DNM3: variants seen among roughly 807,000 people sequenced by gnomAD.
The protein encoded by DNM3 is dynamin 3, also known as dynamin-3.
In DNM3, 47 loss-of-function variants were observed where a neutral mutation model predicts 101.6. The ratio of observed to expected loss-of-function variants is 0.46; its 90% CI spans 0.37 to 0.59. The LOEUF is 0.59. DNM3 is among the 20% of genes least tolerant of loss of function. DNM3 has a pLI of 0.00. For missense variants in DNM3, 849 were observed against 1,085.7 expected (o/e 0.78, Z 3.06); for synonymous variants, 385 against 387.9 (o/e 0.99, Z 0.09).
At chr1:172,198,959 T>C (rs968323744) in intron 14 of DNM3, among the ~76,000 whole-genome samples, 1 of 152,090 alleles carries the variant, frequency 6.6e-6, no homozygotes, top group Non-Finnish European at 1.5e-5. Flanking sequence ...GCTTTGGGAT[T>C]GATTTGTTCT....
chr1:172,350,881 T>C (rs1321974761), intron 17 of DNM3, among the ~76,000 whole-genome samples: 2 of 152,158 alleles, frequency 1.3e-5, no homozygotes. Context: ...ACAGGCTAAA[T>C]AGAATTATCC....
At chr1:171,891,302 TAAG>T (rs1050516258) in intron 1 of DNM3, among the ~76,000 whole-genome samples, 60 of 151,734 alleles carry the variant, frequency 4.0e-4, no homozygotes, top group African/African-American at 1.4e-3. Flanking sequence ...ACGTTTTCTT[TAAG>T]AAGAGTTTTA....
At chr1:172,243,696 C>T (rs981190902) in intron 14 of DNM3, among the ~76,000 whole-genome samples, 4 of 152,062 alleles carry the variant, frequency 2.6e-5, no homozygotes, top group African/African-American at 9.7e-5. Flanking sequence ...ATACAGTGCT[C>T]AAGAGAAAAA....
At chr1:172,252,687 A>G (rs1378028269) in intron 14 of DNM3, among the ~76,000 whole-genome samples, 1 of 152,012 alleles carries the variant, frequency 6.6e-6, no homozygotes, top group East Asian at 1.9e-4. Context: ...TAAATTGAGT[A>G]TTTGGCTCTC....
At chr1:171,855,675 C>G (rs1011374483) in intron 1 of DNM3, among the ~76,000 whole-genome samples, 3 of 152,066 alleles carry the variant, frequency 2.0e-5, no homozygotes, top group African/African-American at 7.2e-5. Context: ...TCCCTGTTGG[C>G]CATCTGTATG....
At chr1:171,886,213 A>G (rs1268680803) in intron 1 of DNM3, among the ~76,000 whole-genome samples, 1 of 152,190 alleles carries the variant, frequency 6.6e-6, no homozygotes, top group African/African-American at 2.4e-5. Flanking sequence ...CTTTTAGGAA[A>G]CCTGTCAAAT....
intron 11 of DNM3, among the ~76,000 whole-genome samples, chr1:172,070,728 G>A (rs74644347): frequency 4.0e-5 from 6 of 151,698 alleles, no homozygotes; most frequent in East Asian, 3.9e-4. Context: ...TTCAATTTTC[G>A]CATCTTAAAG....
intron 14 of DNM3, 138 bp downstream of exon 14, chr1:172,131,426 A>G: frequency 1.5e-6 from 1 of 683,190 alleles, no homozygotes. Context: ...TTGTTTAAAA[A>G]GGCACTATTA....
chr1:171,993,656 A>G (rs1387184871), intron 4 of DNM3, among the ~76,000 whole-genome samples: 1 of 151,870 alleles, frequency 6.6e-6, no homozygotes, highest in Non-Finnish European at 1.5e-5. Flanking sequence ...TATTTCTTCA[A>G]CTATTCTTTC....
Position 171,860,249 on chromosome 1 carries a change from G to A in DNM3, c.161+18432G>A, listed in dbSNP as rs190111466. Among the ~76,000 whole-genome samples the A allele has an allele frequency of 4.9e-3, 748 of 152,096 alleles. 10 individuals are homozygous for A. The highest frequency in any genetic ancestry group is 0.017 in the African/African-American group (715 of 41,518). The stretch of plus-strand genomic sequence containing the variant: ...TTAAATCTACTTTTAAAAATATAAC[G>A]AATTCAGTTAAGTATGTTTTGGTAC... On this transcript the variant is annotated intron_variant, in intron 1 of 20. Transcript: ENST00000627582.
chr1:172,340,174 T>A (rs1174902321), intron 17 of DNM3, among the ~76,000 whole-genome samples: 1 of 151,612 alleles, frequency 6.6e-6, no homozygotes, highest in Non-Finnish European at 1.5e-5. Context: ...CCAAGGAGAG[T>A]TTTAAGGAAT....
rs143672288 is a variant in DNM3 at position 172,303,505 on chromosome 1, T to G, written c.1770-5223T>G. Reference sequence around the variant, plus strand: ...TCCAACCTAGCAAGGGAGGCCAACTTTCAAATTCAGGAAATACAGAGAACA... The same window carrying G: ...TCCAACCTAGCAAGGGAGGCCAACTGTCAAATTCAGGAAATACAGAGAACA... On this transcript the variant is annotated intron_variant, in intron 15 of 20. Transcript: ENST00000627582. Among the ~76,000 whole-genome samples, 613 of 152,158 alleles carry G rather than the reference T, an allele frequency of 4.0e-3. 1 individual carries two copies. The highest frequency in any genetic ancestry group is 5.9e-3 in the Non-Finnish European group (404 of 68,004).
intron 15 of DNM3, among the ~76,000 whole-genome samples, chr1:172,255,939 G>A (rs1483139362): frequency 2.6e-5 from 4 of 152,020 alleles, no homozygotes; most frequent in African/African-American, 9.7e-5. Context: ...ATCATGCTTA[G>A]GAGTTGAATT....
chr1:171,901,227 T>C (rs996197517), intron 1 of DNM3, among the ~76,000 whole-genome samples: 1 of 152,090 alleles, frequency 6.6e-6, no homozygotes, highest in Non-Finnish European at 1.5e-5. Flanking sequence ...TTTATTGTTT[T>C]GTAATTGTGA....
In DNM3 at chr1:172,411,765, A is replaced by C. The variant is rs1289395977; in HGVS notation, c.*3924A>C. 1.0e-6 allele frequency: 1 copy of C among 985,374 alleles called. No homozygotes were observed. The highest frequency in any genetic ancestry group is 1.7e-5 in the African/African-American group (1 of 57,248). 61.0% of individuals were successfully genotyped at this position (985,374 alleles called of 1,614,324 possible). ...TCTCTAACTGTTGAACTCATGAAAGAAGATAGTGTATGAGACTTAAGCCAT... is the reference window on the plus strand; with the variant it reads ...TCTCTAACTGTTGAACTCATGAAAGCAGATAGTGTATGAGACTTAAGCCAT... On this transcript the variant is annotated 3_prime_UTR_variant, in exon 21 of 21. Coordinates refer to ENST00000627582, the MANE Select transcript of DNM3 (RefSeq NM_015569.5).
chr1:172,080,330 A>G (rs889101185), intron 11 of DNM3, among the ~76,000 whole-genome samples: 3 of 152,152 alleles, frequency 2.0e-5, no homozygotes, highest in Admixed American at 1.3e-4. Flanking sequence ...CCCAGAGAGG[A>G]GGAACCTAGG....
chr1:172,046,584 A>AG (rs573938466), intron 9 of DNM3, among the ~76,000 whole-genome samples: 1 of 55,116 alleles, frequency 1.8e-5, no homozygotes, highest in African/African-American at 1.3e-4. Flanking sequence ...GAAAAAAGAG[A>AG]AAAAAAAATT....
chr1:172,253,555 TTC>T lies in DNM3; in HGVS notation c.1660-10_1660-9del. 1.3e-6 allele frequency: 2 copies of T among 1,506,888 alleles called. No homozygotes were observed. The allele number at this position is 1,506,888 out of a possible 1,614,324, so 93.3% of individuals were successfully genotyped here. On this transcript the variant is annotated splice_polypyrimidine_tract_variant and intron_variant, in intron 14 of 20. Transcript: ENST00000627582. ...CTCTCCTCTCCTCTCCCTCTTTTCT[TTC>T]TCTCTCTTATAATAGGAAAAAGAAA...
At chr1:172,372,510 C>G (rs1276261520) in intron 17 of DNM3, among the ~76,000 whole-genome samples, 3 of 151,454 alleles carry the variant, frequency 2.0e-5, no homozygotes, top group African/African-American at 7.3e-5. Flanking sequence ...ATTTATGAAC[C>G]CTCTAAAACT....
Sources: gnomAD v4.1 joint callset for allele counts (sites outside exome capture counted in the v4.1 genomes callset) on GRCh38, gnomAD v4.1.1 for gene constraint, MANE v1.5 for transcripts, NCBI Gene and HGNC (gene_info 2026-07-23, HGNC 2026-07-21) for gene names.